Variants in CLOCK observed in about 807,000 individuals in gnomAD.
CLOCK encodes the protein circadian locomoter output cycles protein kaput.
In CLOCK, 43 loss-of-function variants were observed where a neutral mutation model predicts 118.4. The observed-to-expected ratio is 0.36, with a 90% CI of 0.28 to 0.47. The LOEUF (loss-of-function observed/expected upper bound fraction) is 0.47. Ranked by LOEUF, CLOCK falls within the 20% of genes least tolerant of loss-of-function variation. The pLI, the probability that CLOCK is intolerant of heterozygous loss-of-function variation, is 1.00. For synonymous variants in CLOCK, 326 were observed against 339.2 expected (o/e 0.96, Z 0.43); for missense variants, 846 against 999.9 (o/e 0.85, Z 2.08).
intron 1 of CLOCK, among the ~76,000 whole-genome samples, chr4:55,515,105 TTTGGCAGA>T (rs1291414142): frequency 2.6e-5 from 4 of 152,192 alleles, no homozygotes; most frequent in African/African-American, 7.2e-5. Context: ...TTGTATGACT[TTTGGCAGA>T]TTGCGTCCTT....
At chr4:55,516,027 C>T (rs1489302526) in intron 1 of CLOCK, among the ~76,000 whole-genome samples, 23 of 152,086 alleles carry the variant, frequency 1.5e-4, no homozygotes, top group Non-Finnish European at 8.8e-5. Flanking sequence ...CCAGCTGTTA[C>T]TGATTTCTAC....
chr4:55,448,828 G>A lies in CLOCK; in HGVS notation c.1490C>T (p.Pro497Leu). ...TAAATTTGTAGCTTGAGACATCACT[G>A]GCTGTGTTAATGATGAACCAACAGA... ...SQSVGSSLTQPVMSQATNLPI... is the reference protein window; with the variant it reads ...SQSVGSSLTQLVMSQATNLPI... Residue 497 changes from proline to leucine, a missense_variant, in exon 18 of 23, where the codon CCA becomes CTA. Pro to Leu is a moderately conservative substitution (Grantham distance 98). Coordinates refer to ENST00000513440, the MANE Select transcript of CLOCK (RefSeq NM_004898.4). 1 of 1,613,936 alleles carries A rather than the reference G, an allele frequency of 6.2e-7. No individual in the cohort carries two copies. The highest frequency in any genetic ancestry group is 1.1e-5 in the South Asian group (1 of 91,076).
At chr4:55,514,237 A>G (rs1409491789) in intron 1 of CLOCK, among the ~76,000 whole-genome samples, 1 of 152,130 alleles carries the variant, frequency 6.6e-6, no homozygotes, top group Non-Finnish European at 1.5e-5. Flanking sequence ...ATAAAACGTT[A>G]GCTATAGTTT....
chr4:55,504,509 C>G (rs1261762522), intron 2 of CLOCK, among the ~76,000 whole-genome samples: 1 of 152,072 alleles, frequency 6.6e-6, no homozygotes, highest in Non-Finnish European at 1.5e-5. Context: ...GACCCTTATT[C>G]TTGAATTTCC....
chr4:55,477,801 G>C (rs1726622697), intron 6 of CLOCK, among the ~76,000 whole-genome samples: 2 of 151,996 alleles, frequency 1.3e-5, no homozygotes, highest in Non-Finnish European at 2.9e-5. Flanking sequence ...GTCACATTTA[G>C]AGGGTAGAAA....
intron 15 of CLOCK, chr4:55,452,732 G>C (rs1724577517): frequency 5.2e-6 from 1 of 194,010 alleles, no homozygotes; most frequent in Non-Finnish European, 1.1e-5. Context: ...TTTCAAAGTG[G>C]GGATATTACC....
At chr4:55,493,171 G>A (rs1339237269) in intron 2 of CLOCK, among the ~76,000 whole-genome samples, 1 of 151,982 alleles carries the variant, frequency 6.6e-6, no homozygotes, top group Non-Finnish European at 1.5e-5. Context: ...ATCTATTCCA[G>A]AGAACAAAAA....
At position 55,470,743 on chromosome 4, in the gene CLOCK, C is replaced by T; in HGVS notation, c.412G>A (p.Val138Ile). 1 of 1,608,676 alleles carries T rather than the reference C, an allele frequency of 6.2e-7. No individual in the cohort carries two copies. Reference sequence around the variant, plus strand: ...GGTAAATGTTCAAGTAATGAAGTTACACTCTCAGACACATATATTATGCTT... The same window carrying T: ...GGTAAATGTTCAAGTAATGAAGTTATACTCTCAGACACATATATTATGCTT... ...DGSIIYVSESVTSLLEHLPSD... is the reference protein window; with the variant it reads ...DGSIIYVSESITSLLEHLPSD... The change falls in exon 8 of 23, where the codon GTA becomes ATA. Residue 138 changes from valine to isoleucine, a missense_variant. Val to Ile is a conservative substitution (Grantham distance 29). Transcript: ENST00000513440.
At chr4:55,508,005 C>T (rs1389274471) in intron 2 of CLOCK, among the ~76,000 whole-genome samples, 2 of 152,016 alleles carry the variant, frequency 1.3e-5, no homozygotes, top group Non-Finnish European at 2.9e-5. Flanking sequence ...AAATGTGCCC[C>T]GAGTCACATA....
Position 55,459,028 on chromosome 4 carries a change from T to C in CLOCK, c.674-18A>G. 3 of 1,587,078 alleles carry C rather than the reference T, an allele frequency of 1.9e-6. No homozygotes were observed. The Admixed American group carries it at 5.0e-5, about 26-fold the overall frequency. On this transcript the variant is annotated intron_variant, in intron 10 of 22. Coordinates refer to ENST00000513440, the MANE Select transcript of CLOCK (RefSeq NM_004898.4). ...AGAGGATACTAAAACAATAGGGAAA[T>C]ATGTATCATCAGTTATGCCAGCAAA...
intron 2 of CLOCK, among the ~76,000 whole-genome samples, chr4:55,500,677 G>A (rs1288658773): frequency 6.6e-6 from 1 of 152,110 alleles, no homozygotes; most frequent in Non-Finnish European, 1.5e-5. Context: ...TCTAATCAGA[G>A]AGGCTTACTC....
At chr4:55,438,193 A>G (rs1295608926) in intron 22 of CLOCK, 89 bp downstream of exon 22, 1 of 1,458,214 alleles carries the variant, frequency 6.9e-7, no homozygotes, top group Non-Finnish European at 9.5e-7. Flanking sequence ...TGAATTTTTC[A>G]CATCACTCAC....
At chr4:55,448,545 G>C (rs1022810466) in intron 18 of CLOCK, among the ~76,000 whole-genome samples, 1 of 151,518 alleles carries the variant, frequency 6.6e-6, no homozygotes, top group Non-Finnish European at 1.5e-5. Context: ...AATGACCCCA[G>C]TTAAGATTCA....
intron 1 of CLOCK, among the ~76,000 whole-genome samples, chr4:55,533,020 TA>T (rs1309204244): frequency 6.6e-6 from 1 of 152,160 alleles, no homozygotes; most frequent in African/African-American, 2.4e-5. Flanking sequence ...CTGAAAGAGT[TA>T]ATACTGTTAA....
At chr4:55,524,820 T>C (rs1487553605) in intron 1 of CLOCK, among the ~76,000 whole-genome samples, 4 of 152,120 alleles carry the variant, frequency 2.6e-5, no homozygotes, top group Non-Finnish European at 5.9e-5. Context: ...GAAATGAAAA[T>C]TTCTAAATTC....
intron 8 of CLOCK, among the ~76,000 whole-genome samples, chr4:55,470,318 T>C (rs1431213924): frequency 3.3e-5 from 5 of 152,284 alleles, no homozygotes; most frequent in South Asian, 2.1e-4. Flanking sequence ...ATAAATACTG[T>C]GTTACAACTG....
At chr4:55,511,672 T>C (rs187046535) in intron 1 of CLOCK, among the ~76,000 whole-genome samples, 3 of 152,302 alleles carry the variant, frequency 2.0e-5, no homozygotes, top group Non-Finnish European at 2.9e-5. Context: ...GTACATTTTA[T>C]GAATTTGGAC....
intron 1 of CLOCK, among the ~76,000 whole-genome samples, chr4:55,513,702 A>T (rs941159905): frequency 6.6e-6 from 1 of 152,104 alleles, no homozygotes; most frequent in Non-Finnish European, 1.5e-5. Flanking sequence ...TGCAATTTTG[A>T]CTAGAATTAT....
chr4:55,506,271 C>T (rs1172851036), intron 2 of CLOCK, among the ~76,000 whole-genome samples: 1 of 152,072 alleles, frequency 6.6e-6, no homozygotes, highest in Non-Finnish European at 1.5e-5. Flanking sequence ...TGGTCTTGAA[C>T]TCCTAGGTTC....
Sources: gnomAD v4.1 joint callset for allele counts (sites outside exome capture counted in the v4.1 genomes callset) on GRCh38, gnomAD v4.1.1 for gene constraint, MANE v1.5 for transcripts, NCBI Gene and HGNC (gene_info 2026-07-23, HGNC 2026-07-21) for gene names.